TMTC4: variants seen among roughly 807,000 people sequenced by gnomAD.
TMTC4 encodes transmembrane O-mannosyltransferase targeting cadherins 4, also known as protein O-mannosyl-transferase TMTC4.
A neutral mutation model predicts 86.0 loss-of-function variants in TMTC4; 65 were observed. That is an observed-to-expected ratio of 0.76 (90% CI 0.62 to 0.93). The LOEUF is 0.93. Ranked by LOEUF, TMTC4 falls within the 40% of genes least tolerant of loss-of-function variation. TMTC4 has a pLI of 0.00. For synonymous variants in TMTC4, 379 were observed against 382.5 expected, an observed-to-expected ratio of 0.99 and a Z score of 0.11; for missense variants, 866 against 948.1, an observed-to-expected ratio of 0.91 and a Z score of 1.14.
At chr13:100,669,453 C>G (rs1886800153) in intron 2 of TMTC4, among the ~76,000 whole-genome samples, 1 of 152,140 alleles carries the variant, frequency 6.6e-6, no homozygotes, top group Non-Finnish European at 1.5e-5. Flanking sequence ...CCAGAAAAGG[C>G]TGAGCCATAC....
chr13:100,665,942 G>A, intron 3 of TMTC4: 1 of 449,336 alleles, frequency 2.2e-6, no homozygotes, highest in Non-Finnish European at 4.5e-6. Context: ...TCCCTTCGTT[G>A]ACTCAGTGAC....
chr13:100,664,513 C>T (rs1258218093), intron 3 of TMTC4, among the ~76,000 whole-genome samples, 177 bp from the exon 4 acceptor site: 1 of 152,166 alleles, frequency 6.6e-6, no homozygotes, highest in African/African-American at 2.4e-5. Context: ...GCTTCAAACA[C>T]CGATCAGCTT....
chr13:100,647,911 T>G (rs1883958516), intron 6 of TMTC4, among the ~76,000 whole-genome samples: 2 of 152,142 alleles, frequency 1.3e-5, no homozygotes. Flanking sequence ...CTGACAACCT[T>G]CTCCCTAATT....
intron 7 of TMTC4, among the ~76,000 whole-genome samples, chr13:100,639,354 G>T (rs1323076787): frequency 6.6e-6 from 1 of 152,182 alleles, no homozygotes; most frequent in Non-Finnish European, 1.5e-5. Flanking sequence ...CATGATCTTA[G>T]TGGGTCACAG....
chr13:100,606,652 C>T (rs1182319429), intron 17 of TMTC4, among the ~76,000 whole-genome samples: 4 of 152,190 alleles, frequency 2.6e-5, no homozygotes, highest in East Asian at 3.8e-4. Flanking sequence ...TGAACATGTT[C>T]GTGAGTGCCA....
intron 15 of TMTC4, among the ~76,000 whole-genome samples, chr13:100,623,195 G>A (rs865826149): frequency 2.4e-4 from 37 of 152,214 alleles, no homozygotes; most frequent in African/African-American, 8.4e-4. Context: ...CCAAGGGCAG[G>A]TTACTGGAAT....
rs150244131 is a variant in TMTC4 at position 100,640,736 on chromosome 13, C to G, written c.741+1475G>C. 2.1e-3 allele frequency among the ~76,000 whole-genome samples: 324 copies of G among 150,728 alleles called. 2 individuals are homozygous for G. The highest frequency in any genetic ancestry group is 6.8e-3 in the African/African-American group (278 of 40,978). ...ACTTGGGAGGCTGAGGTGGGAGGATCGTTGAGGCTGCAGGGAGCTGTAATC... is the reference window on the plus strand; with the variant it reads ...ACTTGGGAGGCTGAGGTGGGAGGATGGTTGAGGCTGCAGGGAGCTGTAATC... On this transcript the variant is annotated intron_variant, in intron 7 of 18. Transcript: ENST00000342624.
chr13:100,619,596 A>G (rs923251860), intron 15 of TMTC4, among the ~76,000 whole-genome samples: 1 of 152,204 alleles, frequency 6.6e-6, no homozygotes, highest in Non-Finnish European at 1.5e-5. Context: ...TAGATAGCAT[A>G]TTATGCAAGA....
Position 100,625,642 on chromosome 13 carries a change from T to C in TMTC4, c.1729A>G (p.Ile577Val). 1.2e-6 allele frequency: 2 copies of C among 1,614,228 alleles called. No homozygotes were observed. Among genetic ancestry groups the C allele is most frequent in the Admixed American group, 1.7e-5 (1 of 60,020 alleles). Residue 577 changes from isoleucine to valine, a missense_variant, in exon 15 of 19, where the codon ATA (isoleucine) becomes GTA (valine). Coordinates refer to ENST00000342624, the MANE Select transcript of TMTC4 (RefSeq NM_032813.5). ...AACCGTTTCAGGCTATTCTGCACTATGCCTAGATTCATCCACGCAGCGGCA... is the reference window on the plus strand; with the variant it reads ...AACCGTTTCAGGCTATTCTGCACTACGCCTAGATTCATCCACGCAGCGGCA... ...DFAAAWMNLGIVQNSLKRFEA... is the reference protein window; with the variant it reads ...DFAAAWMNLGVVQNSLKRFEA...
In TMTC4 at chr13:100,604,333, C is replaced by A. The variant is rs1170838919; in HGVS notation, c.*661G>T. ...GTAAAATATTACATTACATAATCTC[C>A]TGTGTATTGAAATTGCACAAGTCAG... On this transcript the variant is annotated 3_prime_UTR_variant, in exon 19 of 19. Transcript: ENST00000342624. The A allele has an allele frequency of 6.6e-6, 1 of 152,576 alleles. No homozygotes were observed. The highest frequency in any genetic ancestry group is 2.4e-5 in the African/African-American group (1 of 41,436). The allele number at this position is 152,576 out of a possible 1,614,324, so 9.5% of individuals were successfully genotyped here.
At chr13:100,641,157 A>G (rs562386993) in intron 7 of TMTC4, among the ~76,000 whole-genome samples, 1 of 152,338 alleles carries the variant, frequency 6.6e-6, no homozygotes, top group Admixed American at 6.5e-5. Flanking sequence ...AGAGACTTCA[A>G]GGCTCGAAGT....
At position 100,632,053 on chromosome 13, in the gene TMTC4, A is replaced by ACACACACACACTCT. The variant is rs1296569630; in HGVS notation, c.1506+2751_1506+2752insAGAGTGTGTGTGTG. Among the ~76,000 whole-genome samples the ACACACACACACTCT allele has an allele frequency of 4.9e-3, 210 of 43,086 alleles. 1 individual carries two copies. The highest frequency in any genetic ancestry group is 7.1e-3 in the Non-Finnish European group (151 of 21,120). The allele number at this position is 43,086 out of a possible 152,430, so 28.3% of individuals were successfully genotyped here. A position where few individuals can be genotyped will look rare whatever the true frequency, so the allele number is the denominator to read the frequency against. ...CACACACACACACACACACACACAC[A>ACACACACACACTCT]CTCTCTCTCTCTCTCTCTCTCTCTC... is the stretch of plus-strand genomic sequence containing the variant. On this transcript the variant is annotated intron_variant, in intron 12 of 18. Transcript: ENST00000342624.
At chr13:100,609,678 T>TACACACAC (rs535180236) in intron 17 of TMTC4, among the ~76,000 whole-genome samples, 3 of 142,608 alleles carry the variant, frequency 2.1e-5, no homozygotes, top group East Asian at 4.1e-4. Flanking sequence ...AATGTATATA[T>TACACACAC]ATACACACAC....
At position 100,604,249 on chromosome 13, in the gene TMTC4, A is replaced by C. The variant is rs1352511136; in HGVS notation, c.*745T>G. 6.6e-6 allele frequency: 1 copy of C among 152,652 alleles called. No homozygotes were observed. Among genetic ancestry groups the C allele is most frequent in the East Asian group, 1.9e-4 (1 of 5,192 alleles). 9.5% of individuals were successfully genotyped at this position (152,652 alleles called of 1,614,324 possible). The stretch of plus-strand genomic sequence containing the variant: ...TGGATGTAACAAAAATAAAGATGTG[A>C]GGCTGCCTGCTCTTGCCTAAAGCAT... On this transcript the variant is annotated 3_prime_UTR_variant, in exon 19 of 19. Transcript: ENST00000342624.
At chr13:100,657,181 A>G (rs189377867) in intron 5 of TMTC4, among the ~76,000 whole-genome samples, 3 of 152,346 alleles carry the variant, frequency 2.0e-5, no homozygotes, top group Non-Finnish European at 4.4e-5. Context: ...AAAGGTCATG[A>G]TATTTAAAAA....
At chr13:100,620,136 A>G (rs768429114) in intron 15 of TMTC4, among the ~76,000 whole-genome samples, 28 of 152,202 alleles carry the variant, frequency 1.8e-4, no homozygotes, top group Non-Finnish European at 3.8e-4. Flanking sequence ...GGTAACATCA[A>G]TCACCCAGCA....
At chr13:100,672,589 C>G (rs1887258758) in intron 1 of TMTC4, among the ~76,000 whole-genome samples, 1 of 152,184 alleles carries the variant, frequency 6.6e-6, no homozygotes, top group South Asian at 2.1e-4. Flanking sequence ...TTACTGGGCT[C>G]AAGGGACCCT....
chr13:100,612,654 TACACACACACACACACAC>T lies in TMTC4; in HGVS notation c.1952-162_1952-145del, dbSNP rs60782137. 255 of 448,946 alleles carry T rather than the reference TACACACACACACACACAC, an allele frequency of 5.7e-4. 3 individuals carry two copies. The highest frequency in any genetic ancestry group is 2.8e-3 in the South Asian group (91 of 32,448). 27.8% of individuals were successfully genotyped at this position (448,946 alleles called of 1,614,324 possible). A position where few individuals can be genotyped will look rare whatever the true frequency, so the allele number is the denominator to read the frequency against. On this transcript the variant is annotated intron_variant, in intron 16 of 18. Coordinates refer to ENST00000342624, the MANE Select transcript of TMTC4 (RefSeq NM_032813.5). ...AAGAAAATCTGTGTAGATCATGTAA[TACACACACACACACACAC>T]ACACACACACACACACACACACGAC...
intron 3 of TMTC4, among the ~76,000 whole-genome samples, chr13:100,666,805 C>G (rs961667842): frequency 3.9e-5 from 6 of 152,200 alleles, no homozygotes; most frequent in Non-Finnish European, 8.8e-5. Flanking sequence ...CCAGGCAACA[C>G]AGTGAGACTC....
Sources: gnomAD v4.1 joint callset for allele counts (sites outside exome capture counted in the v4.1 genomes callset) on GRCh38, gnomAD v4.1.1 for gene constraint, MANE v1.5 for transcripts, NCBI Gene and HGNC (gene_info 2026-07-23, HGNC 2026-07-21) for gene names.